BUB3: variants seen among roughly 807,000 people sequenced by gnomAD.
BUB3 encodes BUB3 mitotic checkpoint protein.
In BUB3, 22 loss-of-function variants were observed where a neutral mutation model predicts 39.9. The observed-to-expected ratio is 0.55, with a 90% CI of 0.39 to 0.79. The LOEUF (loss-of-function observed/expected upper bound fraction) is 0.79, where lower values mean the gene tolerates loss of function less well. BUB3 is among the 30% of genes least tolerant of loss of function. The pLI, the probability that BUB3 is intolerant of heterozygous loss-of-function variation, is 0.00. For synonymous variants in BUB3, 168 were observed against 155.1 expected, an observed-to-expected ratio of 1.08 and a Z score of -0.62; for missense variants, 303 against 415.4, an observed-to-expected ratio of 0.73 and a Z score of 2.35.
In BUB3 at chr10:123,164,870, A is replaced by T; in HGVS notation, c.*1035A>T. 7.3e-7 allele frequency: 1 copy of T among 1,363,956 alleles called. No homozygotes were observed. The highest frequency in any genetic ancestry group is 9.4e-7 in the Non-Finnish European group (1 of 1,059,402). 84.5% of individuals were successfully genotyped at this position (1,363,956 alleles called of 1,614,324 possible). A position where few individuals can be genotyped will look rare whatever the true frequency, so the allele number is the denominator to read the frequency against. On this transcript the variant is annotated 3_prime_UTR_variant, in exon 8 of 8. Coordinates refer to ENST00000368865, the MANE Select transcript of BUB3 (RefSeq NM_004725.4). The stretch of plus-strand genomic sequence containing the variant: ...TTGTCAAACTTTAAAATTTATATTA[A>T]TTTGCAAATGTATGTCTCTGAGTAG...
At chr10:123,159,901 T>TG (rs1273652084) in intron 4 of BUB3, among the ~76,000 whole-genome samples, 2 of 152,018 alleles carry the variant, frequency 1.3e-5, no homozygotes, top group African/African-American at 2.4e-5. Context: ...ATGTAACAAC[T>TG]GGGGAAAAAA....
At position 123,162,720 on chromosome 10, in the gene BUB3, G is replaced by C. The variant is rs1289144846; in HGVS notation, c.863G>C (p.Gly288Ala). ...SIASLAFSND[G>A]TTLAIASSYM... The stretch of plus-strand genomic sequence containing the variant: ...GCATCACTTGCCTTCAGTAATGATG[G>C]GACTACGCTTGCAATAGCGTCATCA... Residue 288 changes from glycine (G) to alanine (A), a missense_variant, in exon 7 of 8, where the codon GGG (glycine) becomes GCG (alanine). Around this residue, in one of 2 missense-constraint regions of BUB3, gnomAD observed 182 missense variants for 293.1 expected, o/e 0.62. Transcript: ENST00000368865. 1 of 1,613,748 alleles carries C rather than the reference G, an allele frequency of 6.2e-7. No individual in the cohort carries two copies. The highest frequency in any genetic ancestry group is 1.3e-5 in the African/African-American group (1 of 75,002).
chr10:123,155,464 A>G (rs1844337868), intron 2 of BUB3, among the ~76,000 whole-genome samples, 194 bp from the exon 3 acceptor site: 1 of 152,222 alleles, frequency 6.6e-6, no homozygotes. Flanking sequence ...AGGATAAAGC[A>G]GCCCTCCTTT....
chr10:123,167,581 CT>C lies in BUB3; in HGVS notation c.*3750del, dbSNP rs1212466988. 1.3e-5 allele frequency: 2 copies of C among 152,104 alleles called. No individual in the cohort carries two copies. Among genetic ancestry groups the C allele is most frequent in the African/African-American group, 4.8e-5 (2 of 41,400 alleles). 9.4% of individuals were successfully genotyped at this position (152,104 alleles called of 1,614,324 possible). A position where few individuals can be genotyped will look rare whatever the true frequency, so the allele number is the denominator to read the frequency against. On this transcript the variant is annotated 3_prime_UTR_variant, in exon 8 of 8. Coordinates refer to ENST00000368865, the MANE Select transcript of BUB3 (RefSeq NM_004725.4). ...TGATATTGCTGAATTATATAGACTCCTTTTAAAATAATTTGAAATATAATTT... is the reference window on the plus strand; with the variant it reads ...TGATATTGCTGAATTATATAGACTCCTTTAAAATAATTTGAAATATAATTT...
At chr10:123,163,730 G>C (rs1844453106) in intron 7 of BUB3, 90 bp from the exon 8 acceptor site, 1 of 1,183,848 alleles carries the variant, frequency 8.4e-7, no homozygotes, top group South Asian at 1.3e-5. Context: ...ATAAAGGGCT[G>C]TGTTTGCATT....
Position 123,168,686 on chromosome 10 carries a change from A to C in BUB3, c.*4851A>C, listed in dbSNP as rs1307379812. The C allele has an allele frequency of 1.3e-5, 2 of 152,002 alleles. No individual in the cohort carries two copies. The highest frequency in any genetic ancestry group is 2.9e-5 in the Non-Finnish European group (2 of 67,994). The allele number at this position is 152,002 out of a possible 1,614,324, so 9.4% of individuals were successfully genotyped here. A position where few individuals can be genotyped will look rare whatever the true frequency, so the allele number is the denominator to read the frequency against. On this transcript the variant is annotated 3_prime_UTR_variant, in exon 8 of 8. Transcript: ENST00000368865. ...TGCCTCAGCCACCCGAGTAGTTGGGATTACAGGCACCCGCCATCACGCCCG... is the reference window on the plus strand; with the variant it reads ...TGCCTCAGCCACCCGAGTAGTTGGGCTTACAGGCACCCGCCATCACGCCCG...
intron 4 of BUB3, among the ~76,000 whole-genome samples, chr10:123,158,747 G>A (rs951815964): frequency 3.3e-5 from 5 of 152,306 alleles, no homozygotes; most frequent in Admixed American, 2.6e-4. Flanking sequence ...ATGGTTGTAT[G>A]TAACATGTTA....
At chr10:123,156,421 T>C (rs1000457644) in intron 3 of BUB3, among the ~76,000 whole-genome samples, 5 of 152,168 alleles carry the variant, frequency 3.3e-5, no homozygotes, top group African/African-American at 9.7e-5. Context: ...TACAGAGATA[T>C]GACTAGAGAG....
At position 123,165,055 on chromosome 10, in the gene BUB3, A is replaced by G. The variant is rs1474797147; in HGVS notation, c.*1220A>G. On this transcript the variant is annotated 3_prime_UTR_variant, in exon 8 of 8. Transcript: ENST00000368865. ...TATTTTCTTCATTGCAGGTCCACCT[A>G]ATCATCCTGTGAAAGTGGTTTCTCT... 4 of 1,612,402 alleles carry G rather than the reference A, an allele frequency of 2.5e-6. No individual in the cohort carries two copies. Among genetic ancestry groups the G allele is most frequent in the Middle Eastern group, 3.9e-4 (2 of 5,182 alleles).
chr10:123,154,875 C>T, intron 1 of BUB3, 43 bp from the exon 2 acceptor site: 1 of 1,575,402 alleles, frequency 6.3e-7, no homozygotes, highest in Non-Finnish European at 8.6e-7. Context: ...TGCGCAGCCC[C>T]AGCCCGCGGG....
chr10:123,163,722 A>T (rs1844452998), intron 7 of BUB3, 98 bp from the exon 8 acceptor site: 4 of 1,080,406 alleles, frequency 3.7e-6, no homozygotes. Context: ...CCTGTTGGAT[A>T]AAGGGCTGTG....
chr10:123,155,451 G>C (rs986624517), intron 2 of BUB3, among the ~76,000 whole-genome samples: 2 of 152,150 alleles, frequency 1.3e-5, no homozygotes, highest in African/African-American at 4.8e-5. Flanking sequence ...TAGCGTGTTG[G>C]CTAGGATAAA....
Position 123,165,570 on chromosome 10 carries a change from C to A in BUB3, c.*1735C>A, listed in dbSNP as rs1458720109. ...TGGAGTTCAGCCATTTCCCTCATGC[C>A]CCCTTGTGCCCTCTCGGTGGATCAG... On this transcript the variant is annotated 3_prime_UTR_variant, in exon 8 of 8. Coordinates refer to ENST00000368865, the MANE Select transcript of BUB3 (RefSeq NM_004725.4). The A allele has an allele frequency of 1.3e-5, 2 of 152,188 alleles. No homozygotes were observed. The highest frequency in any genetic ancestry group is 4.8e-5 in the African/African-American group (2 of 41,278). The allele number at this position is 152,188 out of a possible 1,614,324, so 9.4% of individuals were successfully genotyped here. A position where few individuals can be genotyped will look rare whatever the true frequency, so the allele number is the denominator to read the frequency against.
At position 123,166,772 on chromosome 10, in the gene BUB3, A is replaced by T. The variant is rs548794362; in HGVS notation, c.*2937A>T. On this transcript the variant is annotated 3_prime_UTR_variant, in exon 8 of 8. Coordinates refer to ENST00000368865, the MANE Select transcript of BUB3 (RefSeq NM_004725.4). ...CTTTGTTGGGAATATAAATAAGTGGATGGGATGGGAAGTGACAGCAATATC... is the reference window on the plus strand; with the variant it reads ...CTTTGTTGGGAATATAAATAAGTGGTTGGGATGGGAAGTGACAGCAATATC... 1 of 152,302 alleles carries T rather than the reference A, an allele frequency of 6.6e-6. No individual in the cohort carries two copies. Among genetic ancestry groups the T allele is most frequent in the South Asian group, 2.1e-4 (1 of 4,826 alleles). The allele number at this position is 152,302 out of a possible 1,614,324, so 9.4% of individuals were successfully genotyped here. A position where few individuals can be genotyped will look rare whatever the true frequency, so the allele number is the denominator to read the frequency against.
Position 123,162,768 on chromosome 10 carries a change from C to G in BUB3, c.911C>G (p.Thr304Arg), listed in dbSNP as rs146645506. 7.2e-5 allele frequency: 116 copies of G among 1,613,956 alleles called. 1 individual carries two copies. The African/African-American group carries it at 1.5e-3, about 20-fold the overall frequency. Residue 304 changes from threonine to arginine, a missense_variant, in exon 7 of 8, where the codon ACA (threonine) becomes AGA (arginine). By Grantham distance (71) the Thr-to-Arg change is moderately conservative. Around this residue, in one of 2 missense-constraint regions of BUB3, gnomAD observed 182 missense variants for 293.1 expected, o/e 0.62. Coordinates refer to ENST00000368865, the MANE Select transcript of BUB3 (RefSeq NM_004725.4). Reference protein sequence around the residue: ...ASSYMYEMDDTEHPEDGIFIR... With the variant: ...ASSYMYEMDDREHPEDGIFIR... ...TCATATATGTATGAAATGGATGACA[C>G]AGAACATCCTGAAGATGGTATCTTC...
In BUB3 at chr10:123,164,062, C is replaced by CA; in HGVS notation, c.*231dup. 1 of 1,211,710 alleles carries CA rather than the reference C, an allele frequency of 8.3e-7. No homozygotes were observed. Among genetic ancestry groups the CA allele is most frequent in the Non-Finnish European group, 1.0e-6 (1 of 973,564 alleles). The allele number at this position is 1,211,710 out of a possible 1,614,324, so 75.1% of individuals were successfully genotyped here. On this transcript the variant is annotated 3_prime_UTR_variant, in exon 8 of 8. Coordinates refer to ENST00000368865, the MANE Select transcript of BUB3 (RefSeq NM_004725.4). Reference sequence around the variant, plus strand: ...GCTGCATTAAAGGTATTTGGGCAAACAAAATTGGAGGGCAAGTGACTGCAG... The same window carrying CA: ...GCTGCATTAAAGGTATTTGGGCAAACAAAAATTGGAGGGCAAGTGACTGCAG...
At chr10:123,158,967 T>A (rs1407957258) in intron 4 of BUB3, among the ~76,000 whole-genome samples, 1 of 152,214 alleles carries the variant, frequency 6.6e-6, no homozygotes, top group African/African-American at 2.4e-5. Flanking sequence ...GTGTCACCTA[T>A]ATAGTAAAGA....
chr10:123,168,239 AC>A lies in BUB3; in HGVS notation c.*4405del, dbSNP rs1844512280. Reference sequence around the variant, plus strand: ...ATCTCATAGGAGGCAGCTACTTTTAACATTCTTGGTGTATATCCATCCTTCA... The same window carrying A: ...ATCTCATAGGAGGCAGCTACTTTTAAATTCTTGGTGTATATCCATCCTTCA... On this transcript the variant is annotated 3_prime_UTR_variant, in exon 8 of 8. Transcript: ENST00000368865. 1 of 152,180 alleles carries A rather than the reference AC, an allele frequency of 6.6e-6. No homozygotes were observed. The highest frequency in any genetic ancestry group is 2.4e-5 in the African/African-American group (1 of 41,450). 9.4% of individuals were successfully genotyped at this position (152,180 alleles called of 1,614,324 possible).
chr10:123,169,987 G>T lies in BUB3; in HGVS notation c.*6152G>T, dbSNP rs1291903439. The T allele has an allele frequency of 2.6e-5, 4 of 152,206 alleles. No individual in the cohort carries two copies. Among genetic ancestry groups the T allele is most frequent in the African/African-American group, 9.7e-5 (4 of 41,440 alleles). The allele number at this position is 152,206 out of a possible 1,614,324, so 9.4% of individuals were successfully genotyped here. ...CGGGAGGATAACCTGAGTGCGGGAGGTTGAGGTTGCAGTGAGCTGAAGTTG... is the reference window on the plus strand; with the variant it reads ...CGGGAGGATAACCTGAGTGCGGGAGTTTGAGGTTGCAGTGAGCTGAAGTTG... On this transcript the variant is annotated 3_prime_UTR_variant, in exon 8 of 8. Transcript: ENST00000368865.
Sources: gnomAD v4.1 joint callset for allele counts (sites outside exome capture counted in the v4.1 genomes callset) on GRCh38, gnomAD v4.1.1 for gene constraint, gnomAD v4.1.1 regional missense constraint, MANE v1.5 for transcripts, NCBI Gene and HGNC (gene_info 2026-07-23, HGNC 2026-07-21) for gene names.